The following PRKAG2 variants were observed in gnomAD, a reference collection of about 807,000 sequenced individuals.
The protein encoded by PRKAG2 is 5'-AMP-activated protein kinase subunit gamma-2.
A neutral mutation model predicts 69.6 loss-of-function variants in PRKAG2; 26 were observed. That is an observed-to-expected ratio of 0.37 (90% CI 0.27 to 0.52). The LOEUF is 0.52. PRKAG2 is among the 20% of genes least tolerant of loss of function. The pLI is 0.90. For missense variants in PRKAG2, 557 were observed against 740.0 expected, an observed-to-expected ratio of 0.75 and a Z score of 2.87; for synonymous variants, 293 against 285.0, an observed-to-expected ratio of 1.03 and a Z score of -0.28.
intron 3 of PRKAG2, among the ~76,000 whole-genome samples, chr7:151,779,586 C>G (rs983777687): frequency 6.6e-6 from 1 of 152,234 alleles, no homozygotes; most frequent in East Asian, 1.9e-4. Flanking sequence ...CTCTCCGCCC[C>G]GCTCAGAAAG....
At chr7:151,789,523 C>A (rs961042652) in intron 1 of PRKAG2, among the ~76,000 whole-genome samples, 21 of 152,208 alleles carry the variant, frequency 1.4e-4, no homozygotes, top group Non-Finnish European at 5.9e-5. Flanking sequence ...GCTTAAAGAG[C>A]AACCCCTGAA....
chr7:151,573,758 G>C (rs1808242711), intron 8 of PRKAG2, among the ~76,000 whole-genome samples: 1 of 152,010 alleles, frequency 6.6e-6, no homozygotes, highest in East Asian at 1.9e-4. Context: ...CAAAATCTTT[G>C]GTAAAACTTC....
chr7:151,686,957 A>T (rs1298017240), intron 3 of PRKAG2, among the ~76,000 whole-genome samples: 1 of 152,174 alleles, frequency 6.6e-6, no homozygotes, highest in Non-Finnish European at 1.5e-5. Flanking sequence ...ACTTTCAGGA[A>T]TTTTTCCAAG....
At chr7:151,872,632 G>T (rs2080244077) in intron 1 of PRKAG2, among the ~76,000 whole-genome samples, 1 of 152,246 alleles carries the variant, frequency 6.6e-6, no homozygotes, top group Admixed American at 6.5e-5. Flanking sequence ...CCACTGAGCA[G>T]CAGGGCGGCT....
In PRKAG2 at chr7:151,800,184, T is replaced by C. The variant is rs373132595; in HGVS notation, c.115-13643A>G. Among the ~76,000 whole-genome samples the C allele has an allele frequency of 1.7e-3, 265 of 151,846 alleles. 2 individuals are homozygous for C. Among genetic ancestry groups the C allele is most frequent in the Middle Eastern group, 3.4e-3 (1 of 294 alleles). On this transcript the variant is annotated intron_variant, in intron 1 of 15. Coordinates refer to ENST00000287878, the MANE Select transcript of PRKAG2 (RefSeq NM_016203.4). ...CATCCTGGCTAACATGGTGAAACCC[T>C]GTCTCTACTAAAAAATACAAAAAAT...
chr7:151,867,547 G>A (rs1430938385), intron 1 of PRKAG2, among the ~76,000 whole-genome samples: 1 of 152,154 alleles, frequency 6.6e-6, no homozygotes, highest in Non-Finnish European at 1.5e-5. Flanking sequence ...GTGGATGAGG[G>A]CCGGTCCTAA....
At chr7:151,599,939 A>C (rs1013717398) in intron 5 of PRKAG2, among the ~76,000 whole-genome samples, 12 of 152,040 alleles carry the variant, frequency 7.9e-5, no homozygotes, top group African/African-American at 2.7e-4. Flanking sequence ...CCAGTCCTCC[A>C]TCAGTGCTCT....
rs1034397536 is a variant in PRKAG2, at chr7:151,827,548, G to A, written c.115-41007C>T. On this transcript the variant is annotated intron_variant, in intron 1 of 15. Transcript: ENST00000287878. ...GCCACTGCACCCAGCCGGAACTGGG[G>A]TTTATTAAATGTCCCTCAGGTGATT... Among the ~76,000 whole-genome samples, 7 of 152,048 alleles carry A rather than the reference G, an allele frequency of 4.6e-5. No individual in the cohort carries two copies. The South Asian group carries it at 1.2e-3, about 27-fold the overall frequency.
At chr7:151,696,349 T>C (rs950567529) in intron 3 of PRKAG2, among the ~76,000 whole-genome samples, 3 of 152,170 alleles carry the variant, frequency 2.0e-5, no homozygotes, top group Non-Finnish European at 2.9e-5. Context: ...CAGGAGAGTA[T>C]GGGGTTCCCC....
At chr7:151,622,179 G>T (rs911831325) in intron 5 of PRKAG2, among the ~76,000 whole-genome samples, 2 of 152,176 alleles carry the variant, frequency 1.3e-5, no homozygotes, top group East Asian at 3.9e-4. Context: ...TCATTCTGAT[G>T]AATTCAAGAT....
intron 3 of PRKAG2, chr7:151,736,040 C>G (rs530233261): frequency 5.2e-6 from 8 of 1,535,674 alleles, no homozygotes; most frequent in Non-Finnish European, 7.0e-6. Context: ...ATATCAGGAC[C>G]CACAGAACCG....
At chr7:151,736,042 A>G in intron 3 of PRKAG2, 1 of 1,535,720 alleles carries the variant, frequency 6.5e-7, no homozygotes, top group Non-Finnish European at 8.7e-7. Context: ...ATCAGGACCC[A>G]CAGAACCGGT....
chr7:151,762,569 G>C (rs1104838), intron 3 of PRKAG2, among the ~76,000 whole-genome samples: 46,179 of 151,868 alleles, frequency 0.3, 7,426 homozygotes, highest in African/African-American at 0.39. Context: ...CAGGGGTTTG[G>C]TGGAAAAGAG....
At chr7:151,641,752 C>G (rs1010497404) in intron 4 of PRKAG2, among the ~76,000 whole-genome samples, 1 of 151,542 alleles carries the variant, frequency 6.6e-6, no homozygotes, top group African/African-American at 2.4e-5. Context: ...CTCAAGTGAT[C>G]CTCTTGCCTC....
chr7:151,632,482 C>G lies in PRKAG2; in HGVS notation c.685-344G>C, dbSNP rs1014089536. The G allele has an allele frequency of 2.7e-5, 22 of 812,708 alleles. No homozygotes were observed. Among genetic ancestry groups the G allele is most frequent in the South Asian group, 1.1e-4 (2 of 17,850 alleles). 50.3% of individuals were successfully genotyped at this position (812,708 alleles called of 1,614,324 possible). A position where few individuals can be genotyped will look rare whatever the true frequency, so the allele number is the denominator to read the frequency against. ...GCAGCGCCTGGGCCCGGGGCGCCCC[C>G]CTCCGGCCGTGGCCCGCGTCCTCCC... On this transcript the variant is annotated intron_variant, in intron 4 of 15. Coordinates refer to ENST00000287878, the MANE Select transcript of PRKAG2 (RefSeq NM_016203.4). This position sits in a 1 kb window ranked among gnomAD's most constrained non-coding sequence, Gnocchi z 4.2.
intron 3 of PRKAG2, among the ~76,000 whole-genome samples, chr7:151,776,378 A>G (rs975226715): frequency 6.6e-6 from 1 of 151,970 alleles, no homozygotes; most frequent in Non-Finnish European, 1.5e-5. Context: ...TCTCCATAGT[A>G]CCTGACAAGC....
chr7:151,870,157 G>GATAGATAGATAGA (rs1563769271), intron 1 of PRKAG2, among the ~76,000 whole-genome samples: 163 of 112,652 alleles, frequency 1.4e-3, no homozygotes, highest in Admixed American at 2.4e-3. Context: ...AGATAGATAG[G>GATAGATAGATAGA]CAGGCAGGCA....
Position 151,572,841 on chromosome 7 carries a change from G to A in PRKAG2, c.1006-132C>T, listed in dbSNP as rs148448223. On this transcript the variant is annotated intron_variant, in intron 8 of 15. Coordinates refer to ENST00000287878, the MANE Select transcript of PRKAG2 (RefSeq NM_016203.4). The stretch of plus-strand genomic sequence containing the variant: ...ATTAGAAAATGAGGCGGCCAGGTGC[G>A]GTTGCTCATGCCTGTAATCTCAGCA... The A allele has an allele frequency of 3.2e-3, 1,878 of 578,642 alleles. 20 individuals are homozygous for A. Among genetic ancestry groups the A allele is most frequent in the African/African-American group, 0.03 (1,563 of 52,644 alleles). The allele number at this position is 578,642 out of a possible 1,614,324, so 35.8% of individuals were successfully genotyped here.
At chr7:151,830,124 T>TG (rs1192515375) in intron 1 of PRKAG2, among the ~76,000 whole-genome samples, 4 of 151,310 alleles carry the variant, frequency 2.6e-5, no homozygotes, top group African/African-American at 4.8e-5. Flanking sequence ...CCTGGTTTTT[T>TG]TTTTTTTTTT....
Sources: gnomAD v4.1 joint callset for allele counts (sites outside exome capture counted in the v4.1 genomes callset) on GRCh38, gnomAD v4.1.1 for gene constraint, Gnocchi (gnomAD v3.1) non-coding constraint, MANE v1.5 for transcripts, NCBI Gene and HGNC (gene_info 2026-07-23, HGNC 2026-07-21) for gene names.